Variants in RANBP17 observed in about 807,000 individuals in gnomAD.
The protein encoded by RANBP17 is RAN binding protein 17, also known as ran-binding protein 17.
In RANBP17, 158 loss-of-function variants were observed where a neutral mutation model predicts 141.2. The observed-to-expected ratio is 1.12, with a 90% CI of 0.98 to 1.28. The LOEUF is 1.28. Among genes scored for constraint, RANBP17 ranks in the 50% most tolerant of loss-of-function variants. RANBP17 has a pLI of 0.00. For synonymous variants in RANBP17, 430 were observed against 450.0 expected, an observed-to-expected ratio of 0.96 and a Z score of 0.56; for missense variants, 1,438 against 1,290.7, an observed-to-expected ratio of 1.11 and a Z score of -1.75.
chr5:171,117,829 T>TTTGTTGTTGTTGTTG (rs57307801), intron 14 of RANBP17, among the ~76,000 whole-genome samples: 2 of 147,450 alleles, frequency 1.4e-5, no homozygotes, highest in East Asian at 4.1e-4. Context: ...TATGTGGGGT[T>TTTGTTGTTGTTGTTG]TTGTTGTTGT....
chr5:170,875,084 C>T (rs754419894), intron 1 of RANBP17, among the ~76,000 whole-genome samples: 10 of 152,212 alleles, frequency 6.6e-5, no homozygotes, highest in South Asian at 4.2e-4. Flanking sequence ...CCTTCTCTTA[C>T]GAAGCTTAGT....
chr5:171,068,569 T>TTTGTTGTTGTTGTTGTTG (rs35125398), intron 14 of RANBP17, among the ~76,000 whole-genome samples: 1 of 148,926 alleles, frequency 6.7e-6, no homozygotes, highest in East Asian at 2.0e-4. Flanking sequence ...TTACTTTCCT[T>TTTGTTGTTGTTGTTGTTG]TTGTTGTTGT....
chr5:171,277,052 A>G (rs989772757), intron 25 of RANBP17, among the ~76,000 whole-genome samples: 2 of 150,690 alleles, frequency 1.3e-5, no homozygotes, highest in African/African-American at 4.9e-5. Flanking sequence ...GTTGACATTC[A>G]GTGATTTTTG....
intron 14 of RANBP17, among the ~76,000 whole-genome samples, chr5:170,995,174 T>G (rs1445741920): frequency 3.9e-5 from 6 of 152,128 alleles, no homozygotes; most frequent in Non-Finnish European, 8.8e-5. Context: ...ATTTTATGTG[T>G]TACAGTTGAA....
intron 14 of RANBP17, among the ~76,000 whole-genome samples, chr5:171,087,458 G>A (rs998616127): frequency 1.4e-4 from 22 of 152,360 alleles, no homozygotes; most frequent in Admixed American, 4.6e-4. Context: ...GGGGTGGAGA[G>A]TAGTGTAGAT....
intron 12 of RANBP17, among the ~76,000 whole-genome samples, chr5:170,952,398 T>C (rs1352930943): frequency 3.3e-5 from 5 of 152,070 alleles, no homozygotes; most frequent in African/African-American, 1.2e-4. Flanking sequence ...ATTTTTGTTT[T>C]GTGAGAGAAT....
chr5:170,926,828 A>G (rs74521486), intron 12 of RANBP17, among the ~76,000 whole-genome samples: 4,602 of 152,262 alleles, frequency 0.03, 232 homozygotes, highest in African/African-American at 0.1. Context: ...ACAAAGAGTT[A>G]TGAATATATA....
At position 171,085,464 on chromosome 5, in the gene RANBP17, A is replaced by G. The variant is rs1319762299; in HGVS notation, c.1711-84666A>G. Reference sequence around the variant, plus strand: ...AATGCAGGCTCTTTTTTGGTTCCATATGAACTTTAAAGTAGTTTTTTCCAA... The same window carrying G: ...AATGCAGGCTCTTTTTTGGTTCCATGTGAACTTTAAAGTAGTTTTTTCCAA... On this transcript the variant is annotated intron_variant, in intron 14 of 27. Transcript: ENST00000523189. 6.2e-5 allele frequency among the ~76,000 whole-genome samples: 4 copies of G among 64,302 alleles called. 2 individuals carry two copies. Among genetic ancestry groups the G allele is most frequent in the African/African-American group, 2.0e-4 (4 of 19,536 alleles). The allele number at this position is 64,302 out of a possible 152,430, so 42.2% of individuals were successfully genotyped here.
Position 170,892,437 on chromosome 5 carries a change from G to A in RANBP17, c.307G>A (p.Val103Ile). The change falls in exon 4 of 28, where the codon GTC becomes ATC. Residue 103 changes from valine to isoleucine, a missense_variant. Coordinates refer to ENST00000523189, the MANE Select transcript of RANBP17 (RefSeq NM_022897.5). ...ATCACAGCCCAAGCTGGCTCCCTTT[G>A]TCATCCAAGCTCTTATTCAAGTCAT... Reference protein sequence around the residue: ...VASQPKLAPFVIQALIQVIAK... With the variant: ...VASQPKLAPFIIQALIQVIAK... 1 of 1,613,630 alleles carries A rather than the reference G, an allele frequency of 6.2e-7. No individual in the cohort carries two copies.
rs1764837515 is a variant in RANBP17 at position 171,240,911 on chromosome 5, C to T, written c.2423-17C>T. 2 of 1,575,238 alleles carry T rather than the reference C, an allele frequency of 1.3e-6. No individual in the cohort carries two copies. Among genetic ancestry groups the T allele is most frequent in the African/African-American group, 1.3e-5 (1 of 74,208 alleles). The stretch of plus-strand genomic sequence containing the variant: ...TGACATCTACTTATGTCACTTTCTG[C>T]TTTTATCCTGAAACAGGTAATCAGA... On this transcript the variant is annotated splice_polypyrimidine_tract_variant and intron_variant, in intron 22 of 27. Coordinates refer to ENST00000523189, the MANE Select transcript of RANBP17 (RefSeq NM_022897.5).
At chr5:170,879,599 A>G (rs1429993532) in intron 2 of RANBP17, among the ~76,000 whole-genome samples, 1 of 152,144 alleles carries the variant, frequency 6.6e-6, no homozygotes, top group Non-Finnish European at 1.5e-5. Context: ...CTTTTTAGGC[A>G]ATTTTGTATT....
At chr5:171,219,216 G>A (rs1456305362) in intron 21 of RANBP17, among the ~76,000 whole-genome samples, 3 of 152,064 alleles carry the variant, frequency 2.0e-5, no homozygotes, top group Non-Finnish European at 4.4e-5. Flanking sequence ...TTGAATATTG[G>A]CCCCCACTCT....
chr5:171,101,419 C>T (rs1161437752), intron 14 of RANBP17, among the ~76,000 whole-genome samples: 1 of 152,148 alleles, frequency 6.6e-6, no homozygotes, highest in Non-Finnish European at 1.5e-5. Context: ...AAGATTGCAA[C>T]CCCTGCTCTT....
Position 170,953,613 on chromosome 5 carries a change from G to C in RANBP17, c.1485G>C (p.Leu495=), listed in dbSNP as rs186164846. The C allele has an allele frequency of 2.5e-6, 4 of 1,608,652 alleles. No homozygotes were observed. The highest frequency in any genetic ancestry group is 3.4e-6 in the Non-Finnish European group (4 of 1,175,922). ...CTATATTAGGACGTCTTGCATGGCT[G>C]GTATACTTAGTTGGGACAGTTGTAG... is the stretch of plus-strand genomic sequence containing the variant. ...ITIQEGRLAW[L]VYLVGTVVGG... Residue 495 remains leucine, a synonymous_variant, in exon 13 of 28, where the codon CTG becomes CTC. Transcript: ENST00000523189.
chr5:171,225,625 G>A (rs1763836191), intron 22 of RANBP17, among the ~76,000 whole-genome samples: 1 of 152,148 alleles, frequency 6.6e-6, no homozygotes, highest in African/African-American at 2.4e-5. Context: ...GCCAGTGGAG[G>A]AAAGAGGCCA....
rs567527152 is a variant in RANBP17, at chr5:171,178,249, C to A, written c.1866-4918C>A. Among the ~76,000 whole-genome samples, 132 of 149,656 alleles carry A rather than the reference C, an allele frequency of 8.8e-4. 1 individual carries two copies. The highest frequency in any genetic ancestry group is 3.1e-3 in the African/African-American group (126 of 40,650). On this transcript the variant is annotated intron_variant, in intron 16 of 27. Coordinates refer to ENST00000523189, the MANE Select transcript of RANBP17 (RefSeq NM_022897.5). ...ATGTGTTGTCATTGTTCACCTCCCACTTATGAGTGAGAACATGTGGTGTTT... is the reference window on the plus strand; with the variant it reads ...ATGTGTTGTCATTGTTCACCTCCCAATTATGAGTGAGAACATGTGGTGTTT...
intron 3 of RANBP17, among the ~76,000 whole-genome samples, chr5:170,890,648 G>A (rs1385627118): frequency 6.6e-6 from 1 of 152,134 alleles, no homozygotes; most frequent in Non-Finnish European, 1.5e-5. Context: ...TCAGGCCAAA[G>A]TGGAAATGGA....
chr5:171,040,890 A>G (rs1353502250), intron 14 of RANBP17, among the ~76,000 whole-genome samples: 1 of 152,208 alleles, frequency 6.6e-6, no homozygotes, highest in Non-Finnish European at 1.5e-5. Flanking sequence ...TCTATTTCAC[A>G]GACTTCCTGA....
chr5:171,293,815 G>C, intron 25 of RANBP17, 68 bp from the exon 26 acceptor site: 1 of 1,171,984 alleles, frequency 8.5e-7, no homozygotes, highest in Non-Finnish European at 1.3e-6. Flanking sequence ...CTGAGCACAT[G>C]AAAGGCCTGG....
Sources: allele counts gnomAD v4.1 joint callset (sites outside exome capture counted in the v4.1 genomes callset), GRCh38; gene constraint gnomAD v4.1.1; transcripts MANE v1.5; gene names NCBI Gene and HGNC (gene_info 2026-07-23, HGNC 2026-07-21).